The following TRIM55 variants were observed in gnomAD, a reference collection of about 807,000 sequenced individuals.
TRIM55 encodes the protein tripartite motif-containing protein 55.
In TRIM55, 50 loss-of-function variants were observed where a neutral mutation model predicts 60.9. That is an observed-to-expected ratio of 0.82 (90% CI 0.65 to 1.04). TRIM55 has a LOEUF of 1.04. Ranked by LOEUF, TRIM55 falls within the 50% of genes least tolerant of loss-of-function variation. The pLI, the probability that TRIM55 is intolerant of heterozygous loss-of-function variation, is 0.00. For synonymous variants in TRIM55, 237 were observed against 238.1 expected (o/e 1.00, Z 0.04); for missense variants, 681 against 666.9 (o/e 1.02, Z -0.23).
chr8:66,172,724 G>A (rs1811711173), intron 9 of TRIM55, among the ~76,000 whole-genome samples: 2 of 152,318 alleles, frequency 1.3e-5, no homozygotes, highest in East Asian at 1.9e-4. Context: ...TACCCAACTT[G>A]TGTCACCCTT....
chr8:66,147,886 C>T (rs1413797100), intron 4 of TRIM55, among the ~76,000 whole-genome samples: 1 of 150,216 alleles, frequency 6.7e-6, no homozygotes, highest in East Asian at 1.9e-4. Context: ...CCTAGGCAGA[C>T]CCAGATTCTA....
chr8:66,139,861 T>G (rs868202194), intron 4 of TRIM55, among the ~76,000 whole-genome samples: 3 of 152,330 alleles, frequency 2.0e-5, no homozygotes, highest in Non-Finnish European at 2.9e-5. Flanking sequence ...GGATGTATAT[T>G]CATATATAAC....
the TRIM55 span, among the ~76,000 whole-genome samples, chr8:66,117,210 T>G: frequency 1.3e-5 from 2 of 152,350 alleles, no homozygotes; most frequent in East Asian, 3.9e-4. Context: ...TAAAGAACAG[T>G]GCTTTCCTCC....
intron 9 of TRIM55, among the ~76,000 whole-genome samples, chr8:66,171,269 A>G (rs774887515): frequency 1.8e-3 from 136 of 74,770 alleles, no homozygotes; most frequent in Admixed American, 7.3e-3. Context: ...GAAAGGCCCC[A>G]GTGTGTGTTT....
chr8:66,134,632 C>T (rs564213434), intron 2 of TRIM55, among the ~76,000 whole-genome samples: 22 of 152,160 alleles, frequency 1.4e-4, no homozygotes, highest in African/African-American at 4.6e-4. Context: ...CACCAGGGTT[C>T]GATATTCTAC....
chr8:66,114,281 A>G, the TRIM55 span, among the ~76,000 whole-genome samples: 1 of 152,226 alleles, frequency 6.6e-6, no homozygotes, highest in South Asian at 2.1e-4. Flanking sequence ...CCTGTCCCGT[A>G]CGGTTTTTCT....
chr8:66,137,049 G>C, intron 3 of TRIM55, 46 bp from the exon 4 acceptor site: 1 of 1,525,530 alleles, frequency 6.6e-7, no homozygotes, highest in African/African-American at 1.4e-5. Flanking sequence ...AGTCGGGGTG[G>C]CTAGGAAACC....
At chr8:66,161,221 T>A (rs1248500049) in intron 9 of TRIM55, among the ~76,000 whole-genome samples, 3 of 152,176 alleles carry the variant, frequency 2.0e-5, no homozygotes, top group Non-Finnish European at 4.4e-5. Flanking sequence ...AATATGAGGA[T>A]CAAGTTTCAT....
At position 66,174,555 on chromosome 8, in the gene TRIM55, AT is replaced by A. The variant is rs1462529670; in HGVS notation, c.1610del (p.Ile537ThrfsTer7). ...AGCTGATTCTGAGCCAGCTCGCCAT[AT>A]CTTCTCCTTTTCCTGGTTGAACTCC... is the stretch of plus-strand genomic sequence containing the variant. ...SGADSEPARH[I>X]FSFSWLNSLN... is the part of the protein sequence containing the mutation. On this transcript the variant is annotated frameshift_variant, in exon 10 of 10. Coordinates refer to ENST00000315962, the MANE Select transcript of TRIM55 (RefSeq NM_184085.2). LOFTEE classifies it high-confidence loss of function. The A allele has an allele frequency of 6.2e-7, 1 of 1,607,982 alleles. No homozygotes were observed. Among genetic ancestry groups the A allele is most frequent in the Non-Finnish European group, 8.5e-7 (1 of 1,178,148 alleles).
intron 9 of TRIM55, among the ~76,000 whole-genome samples, chr8:66,156,602 GGCCT>G (rs1563385980): frequency 2.6e-5 from 4 of 151,932 alleles, no homozygotes; most frequent in Non-Finnish European, 5.9e-5. Context: ...GACCCTGCTG[GGCCT>G]GAGACCCAAC....
Position 66,171,040 on chromosome 8 carries a change from G to A in TRIM55, c.1525-3431G>A, listed in dbSNP as rs115072629. Among the ~76,000 whole-genome samples, 1,138 of 152,242 alleles carry A rather than the reference G, an allele frequency of 7.5e-3. 11 individuals are homozygous for A. The highest frequency in any genetic ancestry group is 0.024 in the African/African-American group (1,013 of 41,548). On this transcript the variant is annotated intron_variant, in intron 9 of 9. Transcript: ENST00000315962. ...CAAACTGAGGTTCGTGTCTAAGTAC[G>A]TTCTGTAATGTTTACATAACAACAA...
intron 9 of TRIM55, among the ~76,000 whole-genome samples, chr8:66,159,710 C>A (rs1482526106): frequency 2.6e-5 from 4 of 152,138 alleles, no homozygotes; most frequent in African/African-American, 9.7e-5. Flanking sequence ...GGTATTGTGT[C>A]AATCTTTCAT....
intron 9 of TRIM55, among the ~76,000 whole-genome samples, chr8:66,160,238 T>C (rs1355494611): frequency 1.3e-5 from 2 of 152,204 alleles, no homozygotes; most frequent in Non-Finnish European, 2.9e-5. Flanking sequence ...AGTGAGAACA[T>C]ACAATGTTTG....
At chr8:66,133,963 A>G (rs1809327705) in intron 2 of TRIM55, among the ~76,000 whole-genome samples, 1 of 152,162 alleles carries the variant, frequency 6.6e-6, no homozygotes, top group South Asian at 2.1e-4. Context: ...ACACACATAT[A>G]CTTTTGTTTC....
intron 9 of TRIM55, among the ~76,000 whole-genome samples, chr8:66,170,257 G>A (rs1811548345): frequency 6.6e-6 from 1 of 152,050 alleles, no homozygotes; most frequent in Non-Finnish European, 1.5e-5. Flanking sequence ...CCCTTCCCCA[G>A]CCCCTGGTAA....
At chr8:66,128,915 A>T (rs1366403673) in intron 2 of TRIM55, among the ~76,000 whole-genome samples, 1 of 152,246 alleles carries the variant, frequency 6.6e-6, no homozygotes, top group African/African-American at 2.4e-5. Flanking sequence ...CCCAGTTCCT[A>T]GTTCAGACAG....
chr8:66,140,209 C>T (rs559440040), intron 4 of TRIM55, among the ~76,000 whole-genome samples: 11 of 152,244 alleles, frequency 7.2e-5, no homozygotes, highest in African/African-American at 2.2e-4. Flanking sequence ...TTAAGCAACC[C>T]GTGACTGTGG....
rs1808881548 is a variant in TRIM55, at chr8:66,127,563, AC to A, written c.168+128del. 6.4e-6 allele frequency: 7 copies of A among 1,098,056 alleles called. No individual in the cohort carries two copies. The South Asian group carries it at 8.8e-5, about 14-fold the overall frequency. The allele number at this position is 1,098,056 out of a possible 1,614,324, so 68.0% of individuals were successfully genotyped here. A position where few individuals can be genotyped will look rare whatever the true frequency, so the allele number is the denominator to read the frequency against. ...ATAAGGTTGCCGGGCGCTTTGGCTCACGCCTGTAGTCCCAGCACTTTGGGAG... is the reference window on the plus strand; with the variant it reads ...ATAAGGTTGCCGGGCGCTTTGGCTCAGCCTGTAGTCCCAGCACTTTGGGAG... On this transcript the variant is annotated intron_variant, in intron 1 of 9. Transcript: ENST00000315962.
intron 2 of TRIM55, 126 bp downstream of exon 2, chr8:66,128,602 T>C (rs952339487): frequency 1.4e-5 from 15 of 1,072,498 alleles, no homozygotes; most frequent in Non-Finnish European, 2.0e-5. Flanking sequence ...AAAAATGGTT[T>C]TCCAAGTCAG....
Sources: allele counts gnomAD v4.1 joint callset (sites outside exome capture counted in the v4.1 genomes callset), GRCh38; gene constraint gnomAD v4.1.1; transcripts MANE v1.5; gene names NCBI Gene and HGNC (gene_info 2026-07-23, HGNC 2026-07-21).